Variants in OR2A42 observed in about 807,000 individuals in gnomAD.
OR2A42 encodes olfactory receptor 2A1/2A42.
For synonymous variants in OR2A42, 5 were observed against 46.4 expected (o/e 0.11, Z 3.63); for missense variants, 3 against 104.1 (o/e 0.03, Z 4.23).
chr7:144,237,549 AAAAC>A (rs1477386792), intron 2 of OR2A42, among the ~76,000 whole-genome samples: 8 of 147,088 alleles, frequency 5.4e-5, no homozygotes, highest in Middle Eastern at 3.6e-3. Flanking sequence ...AGACGGTAAA[AAAAC>A]AAACAAACAA....
At position 144,228,558 on chromosome 7, in the gene OR2A42, C is replaced by G. The variant is rs2052329386; in HGVS notation, c.*3353G>C. 1 of 122,062 alleles carries G rather than the reference C, an allele frequency of 8.2e-6. No homozygotes were observed. 7.6% of individuals were successfully genotyped at this position (122,062 alleles called of 1,614,324 possible). On this transcript the variant is annotated 3_prime_UTR_variant, in exon 3 of 3. Coordinates refer to ENST00000641810, the MANE Select transcript of OR2A42 (RefSeq NM_001001802.3). Reference sequence around the variant, plus strand: ...GTAAGTGCTCAATAATTATCAGCTACAATTAAATTTCTACTGTAGTATGAC... The same window carrying G: ...GTAAGTGCTCAATAATTATCAGCTAGAATTAAATTTCTACTGTAGTATGAC...
rs1183441943 is a variant in OR2A42, at chr7:144,230,530, T to C, written c.*1381A>G. The C allele has an allele frequency of 2.0e-5, 3 of 148,444 alleles. No homozygotes were observed. The highest frequency in any genetic ancestry group is 7.6e-5 in the African/African-American group (3 of 39,394). The allele number at this position is 148,444 out of a possible 1,614,324, so 9.2% of individuals were successfully genotyped here. ...TAAGCACTGTGCGTATATGTGTGTG[T>C]GTGTGTGTGCGCGCACGCATGTACG... On this transcript the variant is annotated 3_prime_UTR_variant, in exon 3 of 3. Transcript: ENST00000641810.
At chr7:144,235,552 G>T (rs1239954339) in intron 2 of OR2A42, among the ~76,000 whole-genome samples, 7 of 152,118 alleles carry the variant, frequency 4.6e-5, no homozygotes, top group African/African-American at 1.7e-4. Context: ...AATACTTACT[G>T]TGTGGACAAA....
chr7:144,235,545 A>C (rs2052416531), intron 2 of OR2A42, among the ~76,000 whole-genome samples: 1 of 152,100 alleles, frequency 6.6e-6, no homozygotes, highest in Non-Finnish European at 1.5e-5. Context: ...GACAGTAAAT[A>C]CTTACTGTGT....
intron 2 of OR2A42, among the ~76,000 whole-genome samples, chr7:144,235,513 G>A (rs1455481065): frequency 5.9e-5 from 9 of 151,928 alleles, no homozygotes; most frequent in Non-Finnish European, 1.0e-4. Context: ...CAAGGAAAAG[G>A]TGCTCTCACT....
intron 1 of OR2A42, 30 bp from the exon 2 acceptor site, chr7:144,238,773 T>G (rs900055484): frequency 4.0e-5 from 6 of 150,916 alleles, no homozygotes; most frequent in Non-Finnish European, 8.9e-5. Context: ...GACAATTGGT[T>G]TTTTCTATTT....
At chr7:144,234,806 C>G (rs1309669555) in intron 2 of OR2A42, among the ~76,000 whole-genome samples, 1 of 106,898 alleles carries the variant, frequency 9.4e-6, no homozygotes, top group Admixed American at 8.1e-5. Context: ...TAACACATGG[C>G]CAAGGGTTAT....
At position 144,238,442 on chromosome 7, in the gene OR2A42, A is replaced by G. The variant is rs1444132554; in HGVS notation, c.-15T>C. On this transcript the variant is annotated 5_prime_UTR_variant, in exon 2 of 3. Transcript: ENST00000641810. ...AGTGAATTTCCTTACCAATGTTTGT[A>G]GTGGATGTGAAAGTTAACCAAGACC... The G allele has an allele frequency of 1.3e-5, 2 of 149,112 alleles. No homozygotes were observed. The highest frequency in any genetic ancestry group is 5.0e-5 in the African/African-American group (2 of 40,338). The allele number at this position is 149,112 out of a possible 1,614,324, so 9.2% of individuals were successfully genotyped here. A position where few individuals can be genotyped will look rare whatever the true frequency, so the allele number is the denominator to read the frequency against.
rs1271908443 is a variant in OR2A42, at chr7:144,229,144, C to A, written c.*2767G>T. 7.7e-6 allele frequency: 1 copy of A among 129,220 alleles called. No homozygotes were observed. The highest frequency in any genetic ancestry group is 1.7e-5 in the Non-Finnish European group (1 of 57,916). 8.0% of individuals were successfully genotyped at this position (129,220 alleles called of 1,614,324 possible). A position where few individuals can be genotyped will look rare whatever the true frequency, so the allele number is the denominator to read the frequency against. On this transcript the variant is annotated 3_prime_UTR_variant, in exon 3 of 3. Transcript: ENST00000641810. ...GTTCCAGATCAGAAAGTTTAGCAAC[C>A]CTGACAGGTTTAAAATAACTTCTGA... is the stretch of plus-strand genomic sequence containing the variant.
At position 144,229,806 on chromosome 7, in the gene OR2A42, G is replaced by A. The variant is rs2052348563; in HGVS notation, c.*2105C>T. 6.6e-6 allele frequency: 1 copy of A among 150,904 alleles called. No homozygotes were observed. The highest frequency in any genetic ancestry group is 1.5e-5 in the Non-Finnish European group (1 of 67,268). The allele number at this position is 150,904 out of a possible 1,614,324, so 9.3% of individuals were successfully genotyped here. ...TCATTGTTATTATTGTTGGAGACAA[G>A]GTCTCACTCTGTCACCCAGGCTGGA... On this transcript the variant is annotated 3_prime_UTR_variant, in exon 3 of 3. Transcript: ENST00000641810.
In OR2A42 at chr7:144,228,446, C is replaced by G. The variant is rs867323591; in HGVS notation, c.*3465G>C. 1 of 109,516 alleles carries G rather than the reference C, an allele frequency of 9.1e-6. No individual in the cohort carries two copies. The highest frequency in any genetic ancestry group is 1.1e-4 in the Admixed American group (1 of 9,430). The allele number at this position is 109,516 out of a possible 1,614,324, so 6.8% of individuals were successfully genotyped here. A position where few individuals can be genotyped will look rare whatever the true frequency, so the allele number is the denominator to read the frequency against. On this transcript the variant is annotated 3_prime_UTR_variant, in exon 3 of 3. Coordinates refer to ENST00000641810, the MANE Select transcript of OR2A42 (RefSeq NM_001001802.3). ...ACACTAAACTTTATTTCCCCCCCCC[C>G]TTTAATGTTAGGATAGTATTAGTAC... is the stretch of plus-strand genomic sequence containing the variant.
intron 2 of OR2A42, among the ~76,000 whole-genome samples, chr7:144,236,104 C>T (rs1487056887): frequency 6.7e-6 from 1 of 149,104 alleles, no homozygotes; most frequent in African/African-American, 2.5e-5. Context: ...TATTTGATGA[C>T]TAATAAATTA....
chr7:144,236,446 G>A (rs1249313332), intron 2 of OR2A42, among the ~76,000 whole-genome samples: 1 of 143,696 alleles, frequency 7.0e-6, no homozygotes, highest in Non-Finnish European at 1.5e-5. Context: ...GTGAAACCCT[G>A]TCTCAAAAAA....
rs1304079693 is a variant in OR2A42 at position 144,229,183 on chromosome 7, A to G, written c.*2728T>C. 4 of 127,630 alleles carry G rather than the reference A, an allele frequency of 3.1e-5. No individual in the cohort carries two copies. Among genetic ancestry groups the G allele is most frequent in the African/African-American group, 8.3e-5 (3 of 36,020 alleles). The allele number at this position is 127,630 out of a possible 1,614,324, so 7.9% of individuals were successfully genotyped here. A position where few individuals can be genotyped will look rare whatever the true frequency, so the allele number is the denominator to read the frequency against. ...AATAACTTCTGACAGCAGGGTAATC[A>G]TAACAGTTTATCTTATGTTCACATA... On this transcript the variant is annotated 3_prime_UTR_variant, in exon 3 of 3. Transcript: ENST00000641810.
rs1340337305 is a variant in OR2A42, at chr7:144,229,886, T to C, written c.*2025A>G. On this transcript the variant is annotated 3_prime_UTR_variant, in exon 3 of 3. Coordinates refer to ENST00000641810, the MANE Select transcript of OR2A42 (RefSeq NM_001001802.3). ...GCCTCAAAATCCCTGGCTCAAGTGA[T>C]CCTCTTGCCTCAGCCTCCCGAATAG... The C allele has an allele frequency of 4.6e-5, 7 of 151,808 alleles. No individual in the cohort carries two copies. The highest frequency in any genetic ancestry group is 1.7e-4 in the African/African-American group (7 of 41,402). The allele number at this position is 151,808 out of a possible 1,614,324, so 9.4% of individuals were successfully genotyped here. A position where few individuals can be genotyped will look rare whatever the true frequency, so the allele number is the denominator to read the frequency against.
In OR2A42 at chr7:144,228,439, C is replaced by T. The variant is rs1386631127; in HGVS notation, c.*3472G>A. The stretch of plus-strand genomic sequence containing the variant: ...ATTAATTACACTAAACTTTATTTCC[C>T]CCCCCCCTTTAATGTTAGGATAGTA... On this transcript the variant is annotated 3_prime_UTR_variant, in exon 3 of 3. Transcript: ENST00000641810. 3.6e-5 allele frequency: 4 copies of T among 111,680 alleles called. No individual in the cohort carries two copies. The highest frequency in any genetic ancestry group is 7.6e-5 in the Non-Finnish European group (4 of 52,346). The allele number at this position is 111,680 out of a possible 1,614,324, so 6.9% of individuals were successfully genotyped here.
At chr7:144,235,561 A>G (rs201377464) in intron 2 of OR2A42, among the ~76,000 whole-genome samples, 599 of 151,470 alleles carry the variant, frequency 4.0e-3, no homozygotes, top group African/African-American at 0.014. Context: ...TGTGTGGACA[A>G]ATTAATCAAT....
chr7:144,229,684 C>T lies in OR2A42; in HGVS notation c.*2227G>A, dbSNP rs574785548. On this transcript the variant is annotated 3_prime_UTR_variant, in exon 3 of 3. Transcript: ENST00000641810. ...TTGCAATGCAGTATGCAGCATCTGCCGTGAAACTAAACAACCGTTTAAAAA... is the reference window on the plus strand; with the variant it reads ...TTGCAATGCAGTATGCAGCATCTGCTGTGAAACTAAACAACCGTTTAAAAA... The T allele has an allele frequency of 1.8e-4, 27 of 149,890 alleles. No individual in the cohort carries two copies. The highest frequency in any genetic ancestry group is 3.5e-3 in the Middle Eastern group (1 of 286). The allele number at this position is 149,890 out of a possible 1,614,324, so 9.3% of individuals were successfully genotyped here. A position where few individuals can be genotyped will look rare whatever the true frequency, so the allele number is the denominator to read the frequency against.
rs1305421212 is a variant in OR2A42, at chr7:144,230,496, G to T, written c.*1415C>A. 4.1e-5 allele frequency: 6 copies of T among 146,788 alleles called. No individual in the cohort carries two copies. Among genetic ancestry groups the T allele is most frequent in the Non-Finnish European group, 7.5e-5 (5 of 66,848 alleles). 9.1% of individuals were successfully genotyped at this position (146,788 alleles called of 1,614,324 possible). On this transcript the variant is annotated 3_prime_UTR_variant, in exon 3 of 3. Transcript: ENST00000641810. ...TCTTACTTGTAAGGTTCTTGGAATA[G>T]TGCTTCACTAAGCACTGTGCGTATA... is the stretch of plus-strand genomic sequence containing the variant.
Sources: gnomAD v4.1 joint callset for allele counts (sites outside exome capture counted in the v4.1 genomes callset) on GRCh38, gnomAD v4.1.1 for gene constraint, MANE v1.5 for transcripts, NCBI Gene and HGNC (gene_info 2026-07-23, HGNC 2026-07-21) for gene names.